Variants in SLC45A2 observed in about 807,000 individuals in gnomAD.
The protein encoded by SLC45A2 is solute carrier family 45 member 2.
In SLC45A2, 36 loss-of-function variants were observed where a neutral mutation model predicts 45.5. The ratio of observed to expected loss-of-function variants is 0.79; its 90% confidence interval spans 0.61 to 1.04. The LOEUF is 1.04. Among genes scored for constraint, SLC45A2 ranks in the 50% least tolerant of loss-of-function variants. The pLI, the probability that SLC45A2 is intolerant of heterozygous loss-of-function variation, is 0.00. For missense variants in SLC45A2, 719 were observed against 671.0 expected (o/e 1.07, Z -0.79); for synonymous variants, 306 against 269.3 (o/e 1.14, Z -1.33).
chr5:33,971,432 T>A (rs1205068112), intron 2 of SLC45A2: 2 of 434,628 alleles, frequency 4.6e-6, no homozygotes, highest in Non-Finnish European at 8.8e-6. Flanking sequence ...GGACTGCAAC[T>A]TTTTTCCTTT....
chr5:33,974,885 C>T (rs1483131754), intron 2 of SLC45A2, among the ~76,000 whole-genome samples: 3 of 151,800 alleles, frequency 2.0e-5, no homozygotes, highest in African/African-American at 7.3e-5. Context: ...AAAGGAGAGA[C>T]AAATCTGCAT....
At chr5:33,972,902 T>C (rs1401851978) in intron 2 of SLC45A2, among the ~76,000 whole-genome samples, 2 of 152,244 alleles carry the variant, frequency 1.3e-5, no homozygotes, top group East Asian at 1.9e-4. Context: ...TTGTAAAACA[T>C]TGAAAATGGT....
At chr5:33,982,763 G>A (rs553492629) in intron 1 of SLC45A2, among the ~76,000 whole-genome samples, 1 of 152,202 alleles carries the variant, frequency 6.6e-6, no homozygotes, top group South Asian at 2.1e-4. Context: ...GCACTGAATT[G>A]TACACTTTTA....
At chr5:33,984,032 A>G (rs926365623) in intron 1 of SLC45A2, among the ~76,000 whole-genome samples, 167 bp downstream of exon 1, 3 of 152,232 alleles carry the variant, frequency 2.0e-5, no homozygotes, top group Admixed American at 2.0e-4. Flanking sequence ...AGGCTCCCCA[A>G]CCACAGAATC....
intron 2 of SLC45A2, among the ~76,000 whole-genome samples, chr5:33,975,411 G>T (rs1467185324): frequency 6.6e-6 from 1 of 152,094 alleles, no homozygotes; most frequent in African/African-American, 2.4e-5. Flanking sequence ...TTGCAGGAGG[G>T]GTAGATAAAT....
chr5:33,948,401 C>T (rs1752000465), intron 5 of SLC45A2, among the ~76,000 whole-genome samples: 1 of 152,222 alleles, frequency 6.6e-6, no homozygotes, highest in Non-Finnish European at 1.5e-5. Flanking sequence ...TCATCTCTTC[C>T]CTGCCCCATT....
At chr5:33,957,380 C>A (rs1300916762) in intron 3 of SLC45A2, among the ~76,000 whole-genome samples, 1 of 152,044 alleles carries the variant, frequency 6.6e-6, no homozygotes, top group Non-Finnish European at 1.5e-5. Context: ...TATAATCATG[C>A]TTTTTTCTTC....
rs10565330 is a variant in SLC45A2 at position 33,960,278 on chromosome 5, C to CAT, written c.888+3411_888+3412dup. Among the ~76,000 whole-genome samples, 133 of 147,418 alleles carry CAT rather than the reference C, an allele frequency of 9.0e-4. No individual in the cohort carries two copies. In the South Asian group the frequency reaches 0.012, roughly 13 times the overall value. On this transcript the variant is annotated intron_variant, in intron 3 of 6. Transcript: ENST00000296589. ...TTTTTTATTATGGACATTCATCTGA[C>CAT]ATATATATATATATATATATCATAG...
intron 2 of SLC45A2, among the ~76,000 whole-genome samples, chr5:33,973,987 C>T (rs1752856129): frequency 6.6e-6 from 1 of 152,200 alleles, no homozygotes; most frequent in African/African-American, 2.4e-5. Flanking sequence ...CAGGGCTGGC[C>T]TTTCCTGTCA....
intron 4 of SLC45A2, 61 bp downstream of exon 4, chr5:33,954,300 A>G: frequency 6.2e-7 from 1 of 1,610,280 alleles, no homozygotes; most frequent in Non-Finnish European, 8.5e-7. Context: ...AAGAACCTCA[A>G]CAGGTGTTAA....
chr5:33,958,992 C>T (rs558957128), intron 3 of SLC45A2, among the ~76,000 whole-genome samples: 12 of 152,234 alleles, frequency 7.9e-5, no homozygotes, highest in Admixed American at 7.2e-4. Context: ...TTTAGTAAAA[C>T]CGCACCTTGT....
intron 2 of SLC45A2, chr5:33,971,429 A>G (rs962918743): frequency 4.5e-6 from 2 of 440,732 alleles, no homozygotes; most frequent in African/African-American, 4.1e-5. Flanking sequence ...GCTGGACTGC[A>G]ACTTTTTTCC....
At chr5:33,969,717 G>A (rs760481974) in intron 2 of SLC45A2, among the ~76,000 whole-genome samples, 6 of 152,178 alleles carry the variant, frequency 3.9e-5, no homozygotes, top group Admixed American at 2.0e-4. Context: ...CTTAGGCGGC[G>A]ATGGTCTTGC....
intron 3 of SLC45A2, 139 bp from the exon 4 acceptor site, chr5:33,954,643 G>C: frequency 8.2e-7 from 1 of 1,222,288 alleles, no homozygotes; most frequent in African/African-American, 1.5e-5. Context: ...CATGGAACTA[G>C]GTTTCCATGG....
At chr5:33,964,045 TA>T in intron 2 of SLC45A2, 29 bp from the exon 3 acceptor site, 1 of 1,608,900 alleles carries the variant, frequency 6.2e-7, no homozygotes, top group Non-Finnish European at 8.5e-7. Flanking sequence ...TATGTTAGCA[TA>T]TTTAGCAAAT....
chr5:33,981,297 A>C (rs1341454529), intron 2 of SLC45A2, among the ~76,000 whole-genome samples: 2 of 152,228 alleles, frequency 1.3e-5, no homozygotes, highest in East Asian at 3.8e-4. Flanking sequence ...TATTGGCTCC[A>C]GTGGCTTCCA....
intron 1 of SLC45A2, among the ~76,000 whole-genome samples, chr5:33,982,893 C>A (rs1004575201): frequency 2.0e-5 from 3 of 152,226 alleles, no homozygotes; most frequent in Non-Finnish European, 4.4e-5. Flanking sequence ...CCAGCCCCAG[C>A]AAAGGTCAGG....
intron 5 of SLC45A2, among the ~76,000 whole-genome samples, chr5:33,948,210 TA>T (rs1263379094): frequency 1.3e-4 from 20 of 152,264 alleles, no homozygotes; most frequent in Non-Finnish European, 2.9e-4. Context: ...AGTTGACTTT[TA>T]ACTGGGTTCC....
intron 3 of SLC45A2, among the ~76,000 whole-genome samples, chr5:33,955,147 T>C (rs2113097): frequency 0.93 from 141,264 of 152,174 alleles, 66,178 homozygotes; most frequent in Non-Finnish European, 0.99. Context: ...ACAAGAAATG[T>C]CTGCTTTGAA....
Sources: allele counts gnomAD v4.1 joint callset (sites outside exome capture counted in the v4.1 genomes callset), GRCh38; gene constraint gnomAD v4.1.1; transcripts MANE v1.5; gene names NCBI Gene and HGNC (gene_info 2026-07-23, HGNC 2026-07-21).